The following C10orf90 variants were observed in gnomAD, a reference collection of about 807,000 sequenced individuals.
The protein encoded by C10orf90 is (E2-independent) E3 ubiquitin-conjugating enzyme FATS.
Under a neutral mutation model 62.5 loss-of-function variants are expected in C10orf90, and 56 were observed. That is an observed-to-expected ratio of 0.90 (90% confidence interval 0.72 to 1.12). The LOEUF is 1.12. Ranked by LOEUF, C10orf90 falls within the 50% of genes most tolerant of loss-of-function variation. The pLI, the probability that C10orf90 is intolerant of heterozygous loss-of-function variation, is 0.00. For missense variants in C10orf90, 970 were observed against 880.4 expected (o/e 1.10, Z -1.29); for synonymous variants, 386 against 340.4 (o/e 1.13, Z -1.47).
At position 126,642,060 on chromosome 10, in the gene C10orf90, G is replaced by A. The variant is rs960707663; in HGVS notation, c.313+4505C>T. On this transcript the variant is annotated intron_variant, in intron 2 of 9. Transcript: ENST00000488181. The stretch of plus-strand genomic sequence containing the variant: ...TGTTTGGAACAAATACCCCACTGAT[G>A]GAGCTGCTGCTGGAGGCTACCACCC... Among the ~76,000 whole-genome samples the A allele has an allele frequency of 2.8e-4, 43 of 152,102 alleles. 1 individual carries two copies. Among genetic ancestry groups the A allele is most frequent in the Non-Finnish European group, 1.5e-4 (10 of 68,028 alleles).
chr10:126,609,783 G>A lies in C10orf90; in HGVS notation c.313+36782C>T, dbSNP rs371130164. 3.1e-4 allele frequency among the ~76,000 whole-genome samples: 48 copies of A among 152,390 alleles called. 1 individual carries two copies. The East Asian group carries it at 6.4e-3, about 20-fold the overall frequency. Reference sequence around the variant, plus strand: ...GCACGGGATGCCAGTGATGGCCCACGTGGCTCTGCATGGGCAGGGGGACTG... The same window carrying A: ...GCACGGGATGCCAGTGATGGCCCACATGGCTCTGCATGGGCAGGGGGACTG... On this transcript the variant is annotated intron_variant, in intron 2 of 9. Transcript: ENST00000488181.
At chr10:126,447,302 C>A (rs1858847895) in intron 7 of C10orf90, among the ~76,000 whole-genome samples, 1 of 150,420 alleles carries the variant, frequency 6.6e-6, no homozygotes, top group African/African-American at 2.4e-5. Context: ...CTCACTTTAG[C>A]TTTAAGGACA....
At chr10:126,588,805 A>T (rs1352710622) in intron 2 of C10orf90, among the ~76,000 whole-genome samples, 1 of 152,190 alleles carries the variant, frequency 6.6e-6, no homozygotes, top group Non-Finnish European at 1.5e-5. Context: ...CTTCTCCTCC[A>T]ATTGACTGCA....
At chr10:126,550,743 C>T (rs1190561149) in intron 2 of C10orf90, among the ~76,000 whole-genome samples, 1 of 152,134 alleles carries the variant, frequency 6.6e-6, no homozygotes, top group Non-Finnish European at 1.5e-5. Context: ...CTCCTGACCC[C>T]GGGTGATTCA....
At chr10:126,438,633 A>G (rs1858079911) in intron 7 of C10orf90, among the ~76,000 whole-genome samples, 1 of 152,226 alleles carries the variant, frequency 6.6e-6, no homozygotes, top group Admixed American at 6.5e-5. Context: ...AACCAAGAAG[A>G]AAAATGAGAT....
At chr10:126,658,608 A>G (rs1846443482) in intron 1 of C10orf90, among the ~76,000 whole-genome samples, 1 of 152,240 alleles carries the variant, frequency 6.6e-6, no homozygotes, top group African/African-American at 2.4e-5. Flanking sequence ...AAAATTTGTG[A>G]TAATAATTTA....
chr10:126,588,353 AG>A (rs1286428241), intron 2 of C10orf90, among the ~76,000 whole-genome samples: 3 of 152,356 alleles, frequency 2.0e-5, no homozygotes, highest in Admixed American at 2.0e-4. Flanking sequence ...TTCTTTAAGC[AG>A]GTCCCTGATC....
At chr10:126,639,275 G>T (rs919916483) in intron 2 of C10orf90, among the ~76,000 whole-genome samples, 1 of 152,174 alleles carries the variant, frequency 6.6e-6, no homozygotes. Flanking sequence ...TTGCTCTGTG[G>T]TTGCAGGAAA....
chr10:126,540,665 TA>T (rs59077222), intron 2 of C10orf90, among the ~76,000 whole-genome samples: 30,366 of 134,082 alleles, frequency 0.23, 3,862 homozygotes, highest in Middle Eastern at 0.38. Context: ...AGACCTTGTC[TA>T]AAAAAAAAAA....
chr10:126,477,218 A>G (rs1378086619), intron 4 of C10orf90, among the ~76,000 whole-genome samples: 1 of 147,162 alleles, frequency 6.8e-6, no homozygotes, highest in Non-Finnish European at 1.5e-5. Flanking sequence ...ACCACTGGCT[A>G]TGAATTATGT....
chr10:126,524,858 T>C, intron 2 of C10orf90: 1 of 984,114 alleles, frequency 1.0e-6, no homozygotes, highest in Non-Finnish European at 1.2e-6. Flanking sequence ...CTTCTCCCAT[T>C]AAGTGGAAAA....
chr10:126,548,722 G>A lies in C10orf90; in HGVS notation c.314-34783C>T, dbSNP rs184410445. ...ATAAAGTGGAAGAAAACATTCTACG[G>A]GATTGCAAAATTTATTACACAGCTT... is the stretch of plus-strand genomic sequence containing the variant. On this transcript the variant is annotated intron_variant, in intron 2 of 9. Coordinates refer to ENST00000488181, the MANE Select transcript of C10orf90 (RefSeq NM_001350921.2). Among the ~76,000 whole-genome samples, 273 of 151,244 alleles carry A rather than the reference G, an allele frequency of 1.8e-3. 1 individual carries two copies. The highest frequency in any genetic ancestry group is 6.6e-3 in the African/African-American group (270 of 41,210).
At chr10:126,555,307 G>A (rs1864736865) in intron 2 of C10orf90, among the ~76,000 whole-genome samples, 1 of 152,136 alleles carries the variant, frequency 6.6e-6, no homozygotes, top group African/African-American at 2.4e-5. Context: ...CAGTATCCAA[G>A]TACTAGATCC....
At chr10:126,565,436 A>ATTAATAT (rs1844361414) in intron 2 of C10orf90, among the ~76,000 whole-genome samples, 2 of 11,744 alleles carry the variant, frequency 1.7e-4, no homozygotes, top group Non-Finnish European at 6.1e-4. Flanking sequence ...TATATATATT[A>ATTAATAT]TACACACACA....
chr10:126,610,014 G>T (rs1437937712), intron 2 of C10orf90, among the ~76,000 whole-genome samples: 2 of 152,172 alleles, frequency 1.3e-5, no homozygotes, highest in Middle Eastern at 3.2e-3. Flanking sequence ...TCACCCCTCT[G>T]TCAGCTCCTC....
chr10:126,457,403 A>G (rs1217935204), intron 7 of C10orf90, among the ~76,000 whole-genome samples: 1 of 152,164 alleles, frequency 6.6e-6, no homozygotes. Flanking sequence ...GGTGTTCCAG[A>G]CCACTTGTGG....
intron 2 of C10orf90, among the ~76,000 whole-genome samples, chr10:126,633,459 C>G (rs1423744651): frequency 6.6e-6 from 1 of 152,230 alleles, no homozygotes; most frequent in Non-Finnish European, 1.5e-5. Flanking sequence ...ACAAAGCTGG[C>G]CATTGCAGGG....
intron 4 of C10orf90, among the ~76,000 whole-genome samples, chr10:126,499,795 G>A (rs1042215418): frequency 6.6e-5 from 10 of 152,122 alleles, no homozygotes; most frequent in African/African-American, 1.7e-4. Context: ...GAACGCGAAC[G>A]CAAATAGATG....
intron 2 of C10orf90, among the ~76,000 whole-genome samples, chr10:126,568,446 C>T (rs1048017890): frequency 2.6e-5 from 4 of 152,152 alleles, no homozygotes; most frequent in Admixed American, 6.5e-5. Flanking sequence ...ATAGCCCCTC[C>T]GTCTTCAAAG....
Sources: allele counts gnomAD v4.1 joint callset (sites outside exome capture counted in the v4.1 genomes callset), GRCh38; gene constraint gnomAD v4.1.1; transcripts MANE v1.5; gene names NCBI Gene and HGNC (gene_info 2026-07-23, HGNC 2026-07-21).